The following FGGY variants were observed in gnomAD, a reference collection of about 807,000 sequenced individuals.
FGGY encodes FGGY carbohydrate kinase domain-containing protein.
FGGY carries 72 observed loss-of-function variants against 71.3 expected under a neutral mutation model. That is an observed-to-expected ratio of 1.01 (90% confidence interval 0.84 to 1.23). The LOEUF is 1.23. FGGY is among the 50% of genes most tolerant of loss of function. FGGY has a pLI of 0.00. For missense variants in FGGY, 668 were observed against 682.3 expected, an observed-to-expected ratio of 0.98 and a Z score of 0.23; for synonymous variants, 251 against 250.3, an observed-to-expected ratio of 1.00 and a Z score of -0.02.
chr1:59,626,777 C>T (rs1211330270), intron 10 of FGGY: 2 of 152,066 alleles, frequency 1.3e-5, no homozygotes, highest in Non-Finnish European at 2.9e-5. Context: ...ATTGCTCAAA[C>T]CCGGGAGGTG....
intron 7 of FGGY, among the ~76,000 whole-genome samples, chr1:59,517,012 G>T (rs1389360926): frequency 1.3e-5 from 2 of 152,106 alleles, no homozygotes; most frequent in Non-Finnish European, 2.9e-5. Context: ...AATGATAAAA[G>T]AACATTTTGT....
intron 1 of FGGY, among the ~76,000 whole-genome samples, chr1:59,297,816 G>GAA (rs35768218): frequency 0.12 from 15,863 of 134,842 alleles, 900 homozygotes; most frequent in African/African-American, 0.13. Flanking sequence ...GAGCGTCTCA[G>GAA]AAAAAAAAAA....
intron 4 of FGGY, among the ~76,000 whole-genome samples, chr1:59,364,928 G>T (rs562902677): frequency 6.6e-6 from 1 of 152,226 alleles, no homozygotes; most frequent in Non-Finnish European, 1.5e-5. Flanking sequence ...TGTAAGGAAT[G>T]AGAGAAGAGG....
At chr1:59,369,490 GACAA>G (rs1228383300) in intron 4 of FGGY, among the ~76,000 whole-genome samples, 2 of 152,212 alleles carry the variant, frequency 1.3e-5, no homozygotes, top group African/African-American at 4.8e-5. Flanking sequence ...GCAGGGCACA[GACAA>G]ACAAAAAGAC....
At chr1:59,678,827 G>T (rs953389478) in intron 14 of FGGY, among the ~76,000 whole-genome samples, 2 of 152,172 alleles carry the variant, frequency 1.3e-5, no homozygotes, top group African/African-American at 4.8e-5. Flanking sequence ...ACAGTGACAA[G>T]AGATCAAAAT....
intron 7 of FGGY, among the ~76,000 whole-genome samples, chr1:59,544,021 A>C (rs773578409): frequency 3.7e-4 from 57 of 152,246 alleles, no homozygotes; most frequent in Admixed American, 5.9e-4. Flanking sequence ...ATGAGCAACT[A>C]TTCCAGTTTG....
intron 4 of FGGY, among the ~76,000 whole-genome samples, chr1:59,366,341 T>C (rs532901497): frequency 6.6e-5 from 10 of 152,308 alleles, no homozygotes; most frequent in Non-Finnish European, 1.5e-4. Flanking sequence ...TATTCAGGTT[T>C]TTGTTTCTTG....
chr1:59,339,666 T>C (rs2050267479), intron 2 of FGGY, among the ~76,000 whole-genome samples: 1 of 152,078 alleles, frequency 6.6e-6, no homozygotes, highest in Non-Finnish European at 1.5e-5. Context: ...GGTTTCACTG[T>C]GTTGGCCAGG....
At position 59,395,795 on chromosome 1, in the gene FGGY, A is replaced by G. The variant is rs1426284967; in HGVS notation, c.554+16958A>G. 3.3e-5 allele frequency among the ~76,000 whole-genome samples: 5 copies of G among 152,328 alleles called. No homozygotes were observed. In the East Asian group the frequency reaches 7.7e-4, roughly 23 times the overall value. On this transcript the variant is annotated intron_variant, in intron 5 of 15. Transcript: ENST00000303721. ...TAAGGAACTTGCCGGTGGTCACACA[A>G]TGATTGGCAGAGTTGGGATTTTAAC...
chr1:59,619,169 T>A (rs182315682), intron 9 of FGGY, among the ~76,000 whole-genome samples: 2 of 152,126 alleles, frequency 1.3e-5, no homozygotes, highest in Non-Finnish European at 2.9e-5. Flanking sequence ...TTTAGAGTGA[T>A]GTTTATTTAT....
At chr1:59,725,871 A>G (rs939322215) in intron 14 of FGGY, among the ~76,000 whole-genome samples, 5 of 151,288 alleles carry the variant, frequency 3.3e-5, no homozygotes, top group African/African-American at 1.2e-4. Context: ...GAATAAAGAC[A>G]GTTTTCTTTC....
At position 59,554,113 on chromosome 1, in the gene FGGY, C is replaced by G. The variant is rs780043331; in HGVS notation, c.800-11C>G. 6.3e-7 allele frequency: 1 copy of G among 1,576,562 alleles called. No individual in the cohort carries two copies. Among genetic ancestry groups the G allele is most frequent in the African/African-American group, 1.4e-5 (1 of 73,958 alleles). ...TTAAAGAGGATTTGTTTTTGTTTTC[C>G]TTTCTCACAGGAGTGATTGGGGCAG... On this transcript the variant is annotated splice_polypyrimidine_tract_variant and intron_variant, in intron 7 of 15. Coordinates refer to ENST00000303721, the MANE Select transcript of FGGY (RefSeq NM_018291.5).
At chr1:59,369,509 G>A (rs2057205077) in intron 4 of FGGY, among the ~76,000 whole-genome samples, 1 of 152,244 alleles carries the variant, frequency 6.6e-6, no homozygotes, top group African/African-American at 2.4e-5. Context: ...AAAGACAGCA[G>A]TAACCTCTGC....
chr1:59,542,019 G>A (rs146997319), intron 7 of FGGY, among the ~76,000 whole-genome samples: 6 of 152,374 alleles, frequency 3.9e-5, no homozygotes, highest in Admixed American at 1.3e-4. Context: ...ACTAGCTGCT[G>A]CTGATGATAA....
chr1:59,718,034 G>A (rs2097857667), intron 14 of FGGY, among the ~76,000 whole-genome samples: 1 of 152,110 alleles, frequency 6.6e-6, no homozygotes, highest in Non-Finnish European at 1.5e-5. Context: ...AACCCATGCA[G>A]TTTGGCCCCT....
intron 1 of FGGY, among the ~76,000 whole-genome samples, chr1:59,320,617 C>T (rs1035123847): frequency 3.9e-5 from 6 of 152,216 alleles, no homozygotes; most frequent in African/African-American, 1.4e-4. Context: ...GGTCAGATTT[C>T]CTTGTAACTC....
At chr1:59,752,868 T>G (rs920032259) in intron 14 of FGGY, among the ~76,000 whole-genome samples, 1 of 152,170 alleles carries the variant, frequency 6.6e-6, no homozygotes, top group African/African-American at 2.4e-5. Flanking sequence ...CCCTATTTTT[T>G]CCTCCAGAAA....
At chr1:59,762,303 T>C (rs1035306806) in intron 15 of FGGY, among the ~76,000 whole-genome samples, 200 bp from the exon 16 acceptor site, 1 of 152,182 alleles carries the variant, frequency 6.6e-6, no homozygotes, top group Non-Finnish European at 1.5e-5. Context: ...TATTTCTAAA[T>C]TGGAGATAAT....
At chr1:59,472,397 C>G (rs1182461692) in intron 6 of FGGY, among the ~76,000 whole-genome samples, 1 of 152,212 alleles carries the variant, frequency 6.6e-6, no homozygotes, top group Non-Finnish European at 1.5e-5. Flanking sequence ...GGGGCCCGAG[C>G]CTCCCTGACG....
Sources: allele counts gnomAD v4.1 joint callset (sites outside exome capture counted in the v4.1 genomes callset), GRCh38; gene constraint gnomAD v4.1.1; transcripts MANE v1.5; gene names NCBI Gene and HGNC (gene_info 2026-07-23, HGNC 2026-07-21).